Variants in PPP6R1 observed in about 807,000 individuals in gnomAD.
The protein encoded by PPP6R1 is serine/threonine-protein phosphatase 6 regulatory subunit 1.
In PPP6R1, 39 loss-of-function variants were observed where a neutral mutation model predicts 104.6. The ratio of observed to expected loss-of-function variants is 0.37; its 90% CI spans 0.29 to 0.49. The LOEUF is 0.49. Ranked by LOEUF, PPP6R1 falls within the 20% of genes least tolerant of loss-of-function variation. The pLI is 0.98. For missense variants in PPP6R1, 1,181 were observed against 1,155.8 expected (o/e 1.02, Z -0.32); for synonymous variants, 549 against 479.0 (o/e 1.15, Z -1.91).
rs1600122002 is a variant in PPP6R1, at chr19:55,258,640, T to G, written c.-212A>C. The G allele has an allele frequency of 6.9e-6, 1 of 144,632 alleles. No individual in the cohort carries two copies. The highest frequency in any genetic ancestry group is 1.5e-5 in the Non-Finnish European group (1 of 66,406). 9.0% of individuals were successfully genotyped at this position (144,632 alleles called of 1,614,324 possible). On this transcript the variant is annotated 5_prime_UTR_variant, in exon 1 of 24. Transcript: ENST00000412770. Reference sequence around the variant, plus strand: ...TCCTCGCGCGCCGGGTCCTGCAGAGTTGAGGGGGTCAGCGCCGGGTGGAGT... The same window carrying G: ...TCCTCGCGCGCCGGGTCCTGCAGAGGTGAGGGGGTCAGCGCCGGGTGGAGT...
rs1412329444 is a variant in PPP6R1 at position 55,232,152 on chromosome 19, T to C, written c.2048A>G (p.Asp683Gly). Residue 683 changes from aspartate to glycine, a missense_variant, in exon 18 of 24, where the codon GAC (aspartate) becomes GGC (glycine). Asp to Gly is a moderately conservative substitution (Grantham distance 94). Around this residue, in one of 2 missense-constraint regions of PPP6R1, gnomAD observed 1,042 missense variants for 955.6 expected, o/e 1.09. Transcript: ENST00000412770. ...EEEEDEEEEEDEEGIGCAARG... is the reference protein window; with the variant it reads ...EEEEDEEEEEGEEGIGCAARG... ...GGCTGCACAGCCAATGCCCTCCTCG[T>C]CTTCCTCCTCCTCCTCGTCCTCCTC... is the stretch of plus-strand genomic sequence containing the variant. 1 of 1,582,158 alleles carries C rather than the reference T, an allele frequency of 6.3e-7. No homozygotes were observed. The highest frequency in any genetic ancestry group is 8.6e-7 in the Non-Finnish European group (1 of 1,163,932).
chr19:55,231,011 C>T, intron 21 of PPP6R1, 127 bp from the exon 22 acceptor site: 2 of 804,726 alleles, frequency 2.5e-6, no homozygotes, highest in East Asian at 2.6e-5. Flanking sequence ...CGGGGAGGGG[C>T]CTCCCGAGGA....
Position 55,241,111 on chromosome 19 carries a change from G to T in PPP6R1, c.1162-32C>A. 1 of 1,543,836 alleles carries T rather than the reference G, an allele frequency of 6.5e-7. No homozygotes were observed. The highest frequency in any genetic ancestry group is 8.7e-7 in the Non-Finnish European group (1 of 1,144,094). Reference sequence around the variant, plus strand: ...GAGGACACAGGATTGGTACCAGAGAGGCCCCGCCCCAGCCGAGCCCCCAAC... The same window carrying T: ...GAGGACACAGGATTGGTACCAGAGATGCCCCGCCCCAGCCGAGCCCCCAAC... On this transcript the variant is annotated intron_variant, in intron 9 of 23. Coordinates refer to ENST00000412770, the MANE Select transcript of PPP6R1 (RefSeq NM_014931.4). This position sits in a 1 kb window ranked among gnomAD's most constrained non-coding sequence, Gnocchi z 5.4.
rs764011641 is a variant in PPP6R1 at position 55,242,294 on chromosome 19, G to GCAGGGT, written c.732-16_732-15insACCCTG. On this transcript the variant is annotated splice_polypyrimidine_tract_variant and intron_variant, in intron 6 of 23. Coordinates refer to ENST00000412770, the MANE Select transcript of PPP6R1 (RefSeq NM_014931.4). ...TCGTCTCCTGCCTGCGGGGGCAGGG[G>GCAGGGT]CAGGGGTCAGGGTGAGGGGCCAGGG... 1 of 1,613,622 alleles carries GCAGGGT rather than the reference G, an allele frequency of 6.2e-7. No homozygotes were observed. The highest frequency in any genetic ancestry group is 1.1e-5 in the South Asian group (1 of 91,082).
chr19:55,241,328 C>A lies in PPP6R1; in HGVS notation c.1072G>T (p.Val358Leu). 6.2e-7 allele frequency: 1 copy of A among 1,611,790 alleles called. No homozygotes were observed. The highest frequency in any genetic ancestry group is 8.5e-7 in the Non-Finnish European group (1 of 1,179,740). ...AGGGCACTGGCCAGGAGCTTGACCA[C>A]GTGCAGCCGCGTGTTGCCCAGAGGC... ...APPLGNTRLHVVKLLASALSA... is the reference protein window; with the variant it reads ...APPLGNTRLHLVKLLASALSA... The change falls in exon 9 of 24, where the codon GTG (valine) becomes TTG (leucine). Residue 358 changes from valine (V) to leucine (L), a missense_variant. By Grantham distance (32) the Val-to-Leu change is conservative. Around this residue, in one of 2 missense-constraint regions of PPP6R1, gnomAD observed 1,042 missense variants for 955.6 expected, o/e 1.09. Transcript: ENST00000412770. The surrounding 1 kb of genome is among the most constrained non-coding windows in gnomAD (Gnocchi z 5.4).
chr19:55,244,402 A>C (rs530005336), intron 5 of PPP6R1, among the ~76,000 whole-genome samples: 6 of 152,336 alleles, frequency 3.9e-5, no homozygotes, highest in African/African-American at 1.4e-4. Flanking sequence ...CCAGAGCTAA[A>C]GGGGAGGATG....
downstream of PPP6R1, chr19:55,228,593 CCCAA>C: frequency 1.3e-6 from 2 of 1,529,062 alleles, no homozygotes; most frequent in Non-Finnish European, 8.8e-7. Context: ...CTTCCCAGGG[CCCAA>C]CCAACTCAAG....
At chr19:55,228,547 C>T (rs548645595), downstream of PPP6R1, 14 of 1,534,972 alleles carry the variant, frequency 9.1e-6, no homozygotes, top group Non-Finnish European at 1.2e-5. Context: ...GCTGTACAGG[C>T]TGGACCCATT....
At chr19:55,247,607 T>C (rs2087520727) in intron 1 of PPP6R1, among the ~76,000 whole-genome samples, 1 of 152,186 alleles carries the variant, frequency 6.6e-6, no homozygotes, top group African/African-American at 2.4e-5. Flanking sequence ...CAACCTGTAT[T>C]TGCTCAACAA....
intron 17 of PPP6R1, among the ~76,000 whole-genome samples, chr19:55,235,818 G>C (rs1322900310): frequency 3.4e-5 from 5 of 145,062 alleles, no homozygotes; most frequent in African/African-American, 1.3e-4. Context: ...GTGCCCGGCT[G>C]ATTTTTTTTA....
chr19:55,240,205 C>T (rs771659887), intron 11 of PPP6R1, 31 bp downstream of exon 11: 4 of 1,574,616 alleles, frequency 2.5e-6, no homozygotes, highest in Non-Finnish European at 3.4e-6. Flanking sequence ...AGCCCCAGCC[C>T]CTGGAGACAT....
chr19:55,243,917 G>A (rs1184989761), intron 5 of PPP6R1, among the ~76,000 whole-genome samples: 2 of 152,176 alleles, frequency 1.3e-5, no homozygotes, highest in Non-Finnish European at 2.9e-5. Context: ...CTGCCAAAGC[G>A]CTGGGATTAC....
chr19:55,254,870 C>A (rs919872829), intron 1 of PPP6R1, among the ~76,000 whole-genome samples: 3 of 152,248 alleles, frequency 2.0e-5, no homozygotes, highest in Non-Finnish European at 4.4e-5. Context: ...GCTGGGAACA[C>A]CCAATTCCAG....
chr19:55,242,676 G>A, intron 5 of PPP6R1, 188 bp from the exon 6 acceptor site: 2 of 592,722 alleles, frequency 3.4e-6, no homozygotes, highest in Non-Finnish European at 6.1e-6. Flanking sequence ...GAGAGAACAG[G>A]AAGCCCGGAA....
At chr19:55,236,604 G>A in intron 17 of PPP6R1, 39 bp downstream of exon 17, 2 of 1,483,756 alleles carry the variant, frequency 1.3e-6, no homozygotes, top group South Asian at 1.4e-5. Context: ...CCTGCCGTGT[G>A]GTGGAAGCTT....
chr19:55,244,750 T>C (rs74388437), intron 5 of PPP6R1, among the ~76,000 whole-genome samples: 1 of 143,684 alleles, frequency 7.0e-6, no homozygotes, highest in African/African-American at 2.5e-5. Context: ...CTTTTCTTTC[T>C]TTTTTTTTTT....
intron 17 of PPP6R1, among the ~76,000 whole-genome samples, chr19:55,235,963 C>T (rs1054991401): frequency 6.6e-6 from 1 of 150,858 alleles, no homozygotes; most frequent in African/African-American, 2.4e-5. Flanking sequence ...CTCAGCCTCT[C>T]AAGTAGCTGG....
chr19:55,232,586 G>A (rs1413782153), intron 17 of PPP6R1: 3 of 211,082 alleles, frequency 1.4e-5, no homozygotes, highest in African/African-American at 2.3e-5. Context: ...ACAGTGACAG[G>A]CCTTCCCACC....
chr19:55,235,739 T>C (rs970984884), intron 17 of PPP6R1, among the ~76,000 whole-genome samples: 173 of 151,794 alleles, frequency 1.1e-3, no homozygotes, highest in African/African-American at 3.8e-3. Context: ...AGGATGGTCT[T>C]GATCTCCTGA....
Sources: allele counts gnomAD v4.1 joint callset (sites outside exome capture counted in the v4.1 genomes callset), GRCh38; gene constraint gnomAD v4.1.1; regional missense constraint gnomAD v4.1.1; non-coding constraint Gnocchi (gnomAD v3.1); transcripts MANE v1.5; gene names NCBI Gene and HGNC (gene_info 2026-07-23, HGNC 2026-07-21).